Variants in RARB observed in about 807,000 individuals in gnomAD.
The protein encoded by RARB is retinoic acid receptor beta.
In RARB, 17 loss-of-function variants were observed where a neutral mutation model predicts 51.9. The ratio of observed to expected loss-of-function variants is 0.33; its 90% CI spans 0.22 to 0.49. The LOEUF (loss-of-function observed/expected upper bound fraction) is 0.49. Among genes scored for constraint, RARB ranks in the 20% least tolerant of loss-of-function variants. The pLI, the probability that RARB is intolerant of heterozygous loss-of-function variation, is 0.99. For missense variants in RARB, 369 were observed against 550.8 expected, an observed-to-expected ratio of 0.67 and a Z score of 3.30; for synonymous variants, 215 against 195.4, an observed-to-expected ratio of 1.10 and a Z score of -0.84.
chr3:24,999,934 C>T (rs1280007169), intron 2 of RARB, among the ~76,000 whole-genome samples: 1 of 151,980 alleles, frequency 6.6e-6, no homozygotes, highest in East Asian at 1.9e-4. Context: ...CTTTACTCCC[C>T]AACAGCCACA....
rs556884480 is a variant in RARB, at chr3:25,511,196, G to A, written c.448+9873G>A. On this transcript the variant is annotated intron_variant, in intron 3 of 7. Coordinates refer to ENST00000330688, the MANE Select transcript of RARB (RefSeq NM_000965.5). ...TGCCCAGGCTGGAGTGCAGTGGCAC[G>A]ATCTCGGCTCACTGCAAGCTCCGCC... Among the ~76,000 whole-genome samples the A allele has an allele frequency of 6.6e-5, 10 of 151,976 alleles. No individual in the cohort carries two copies. In the South Asian group the frequency reaches 1.7e-3, roughly 25 times the overall value.
chr3:24,856,329 C>A (rs1702635748), intron 1 of RARB, among the ~76,000 whole-genome samples: 1 of 152,014 alleles, frequency 6.6e-6, no homozygotes, highest in African/African-American at 2.4e-5. Flanking sequence ...TCAGGGGACT[C>A]CTCAGAGGAA....
intron 5 of RARB, among the ~76,000 whole-genome samples, chr3:25,252,682 T>C (rs547662981): frequency 6.6e-6 from 1 of 152,354 alleles, no homozygotes; most frequent in African/African-American, 2.4e-5. Context: ...CAATTGGCTT[T>C]TGTATATTGA....
intron 5 of RARB, among the ~76,000 whole-genome samples, chr3:25,198,186 G>T (rs549610129): frequency 6.6e-6 from 1 of 151,530 alleles, no homozygotes. Context: ...GTACAATCTC[G>T]TCAATTAGTG....
chr3:25,171,650 A>AAAAAAAAAAAC (rs1700649413), intron 4 of RARB, among the ~76,000 whole-genome samples: 2 of 146,928 alleles, frequency 1.4e-5, no homozygotes, highest in Admixed American at 6.8e-5. Flanking sequence ...TGGTAAAAAA[A>AAAAAAAAAAAC]AAAAAAAAAA....
intron 3 of RARB, among the ~76,000 whole-genome samples, chr3:25,103,613 G>T (rs964565975): frequency 1.4e-4 from 21 of 152,202 alleles, no homozygotes; most frequent in Non-Finnish European, 7.3e-5. Context: ...CAAGGAGGAG[G>T]AGAATAGAGC....
intron 3 of RARB, among the ~76,000 whole-genome samples, chr3:25,552,691 C>T (rs933524862): frequency 6.6e-6 from 1 of 152,064 alleles, no homozygotes; most frequent in Admixed American, 6.6e-5. Context: ...TAATACTGCA[C>T]CCGTCTAAAA....
At chr3:24,941,505 G>A (rs2125400246) in intron 2 of RARB, among the ~76,000 whole-genome samples, 1 of 152,156 alleles carries the variant, frequency 6.6e-6, no homozygotes, top group Non-Finnish European at 1.5e-5. Context: ...GAATAGCTGG[G>A]ATTACAGGCA....
chr3:24,910,101 T>C (rs35357706), intron 2 of RARB, among the ~76,000 whole-genome samples: 53,055 of 152,016 alleles, frequency 0.35, 11,151 homozygotes, highest in Non-Finnish European at 0.46. Context: ...CTATCCCCAT[T>C]TTTGGCAAAG....
chr3:25,407,731 G>A (rs1707449893), intron 5 of RARB, among the ~76,000 whole-genome samples: 1 of 148,446 alleles, frequency 6.7e-6, no homozygotes, highest in African/African-American at 2.5e-5. Context: ...TGCTTACTGT[G>A]AATACTTTCA....
intron 5 of RARB, among the ~76,000 whole-genome samples, chr3:25,307,418 T>G (rs1704179841): frequency 1.3e-5 from 2 of 151,920 alleles, no homozygotes; most frequent in South Asian, 4.2e-4. Flanking sequence ...TATGGCCATG[T>G]AAGTTCTTGG....
At chr3:25,391,218 CCATTATTT>C (rs1559382327) in intron 5 of RARB, among the ~76,000 whole-genome samples, 1 of 152,090 alleles carries the variant, frequency 6.6e-6, no homozygotes, top group Non-Finnish European at 1.5e-5. Flanking sequence ...TCTGTAAATG[CCATTATTT>C]CATTCCTTTT....
At chr3:25,434,343 A>G in intron 1 of RARB, among the ~76,000 whole-genome samples, 1 of 152,174 alleles carries the variant, frequency 6.6e-6, no homozygotes, top group East Asian at 1.9e-4. Flanking sequence ...CTGAGATTAT[A>G]ATTGTCATTT....
chr3:25,426,522 G>A (rs918167763), upstream of RARB, among the ~76,000 whole-genome samples: 2 of 152,234 alleles, frequency 1.3e-5, no homozygotes, highest in African/African-American at 4.8e-5. Context: ...TTTCAGCATG[G>A]GGTGGGGTGC....
chr3:25,553,498 G>A (rs557306087), intron 3 of RARB, among the ~76,000 whole-genome samples: 1 of 152,144 alleles, frequency 6.6e-6, no homozygotes, highest in Admixed American at 6.5e-5. Flanking sequence ...AAAGTCTTTG[G>A]ATGCTTATAA....
At chr3:24,971,812 T>A (rs1401277475) in intron 2 of RARB, among the ~76,000 whole-genome samples, 1 of 151,996 alleles carries the variant, frequency 6.6e-6, no homozygotes, top group Non-Finnish European at 1.5e-5. Context: ...ATGTTGAGAT[T>A]AAGCAAAATT....
chr3:25,441,916 A>C (rs562239905), intron 1 of RARB, among the ~76,000 whole-genome samples: 48 of 152,122 alleles, frequency 3.2e-4, no homozygotes, highest in Non-Finnish European at 5.9e-4. Context: ...TTGAACCCAC[A>C]TGTATGTTCT....
At chr3:25,369,320 AAG>A (rs1447190244) in intron 5 of RARB, among the ~76,000 whole-genome samples, 6 of 152,184 alleles carry the variant, frequency 3.9e-5, no homozygotes, top group Non-Finnish European at 8.8e-5. Context: ...ATTCTACCAA[AAG>A]AGAGAAACGG....
chr3:25,111,457 T>C (rs539238548), intron 3 of RARB, among the ~76,000 whole-genome samples: 2 of 152,276 alleles, frequency 1.3e-5, no homozygotes, highest in South Asian at 2.1e-4. Context: ...CTAGCAAAAC[T>C]GATTTAAAAT....
Sources: allele counts gnomAD v4.1 joint callset (sites outside exome capture counted in the v4.1 genomes callset), GRCh38; gene constraint gnomAD v4.1.1; transcripts MANE v1.5; gene names NCBI Gene and HGNC (gene_info 2026-07-23, HGNC 2026-07-21).